JOSD1: variants seen among roughly 807,000 people sequenced by gnomAD.
JOSD1 encodes josephin-1.
In JOSD1, 11 loss-of-function variants were observed where a neutral mutation model predicts 24.3. That is an observed-to-expected ratio of 0.45 (90% CI 0.29 to 0.75). JOSD1 has a LOEUF of 0.75. JOSD1 is among the 30% of genes least tolerant of loss of function. The pLI, the probability that JOSD1 is intolerant of heterozygous loss-of-function variation, is 0.11. For synonymous variants in JOSD1, 106 were observed against 93.8 expected (o/e 1.13, Z -0.75); for missense variants, 184 against 253.5 (o/e 0.73, Z 1.86).
rs373108492 is a variant in JOSD1 at position 38,690,987 on chromosome 22, C to G, written c.186-1563G>C. ...GTGAGCCGAACATAGGAGGCAGAGG[C>G]TGGATGTCACCACTGCATCCAGCCT... On this transcript the variant is annotated intron_variant, in intron 2 of 4. Transcript: ENST00000683374. Among the ~76,000 whole-genome samples, 75 of 152,224 alleles carry G rather than the reference C, an allele frequency of 4.9e-4. 2 individuals are homozygous for G. In the South Asian group the frequency reaches 0.015, roughly 31 times the overall value.
chr22:38,688,167 C>T (rs2092506294), intron 4 of JOSD1, among the ~76,000 whole-genome samples, 166 bp from the exon 5 acceptor site: 1 of 152,180 alleles, frequency 6.6e-6, no homozygotes, highest in Non-Finnish European at 1.5e-5. Context: ...CCAATCTGTC[C>T]AGTTAAAATT....
intron 2 of JOSD1, among the ~76,000 whole-genome samples, chr22:38,691,932 C>T (rs2092524283): frequency 6.6e-6 from 1 of 152,190 alleles, no homozygotes; most frequent in South Asian, 2.1e-4. Flanking sequence ...TGCTAGGGGC[C>T]TAAAGAGTGC....
At position 38,700,940 on chromosome 22, in the gene JOSD1, T is replaced by G. The variant is rs182773669; in HGVS notation, c.-772A>C. On this transcript the variant is annotated 5_prime_UTR_variant, in exon 1 of 5. Transcript: ENST00000683374. ...GCCACCTGGAGTGCGCGCCGCCAAC[T>G]GGGCCGTGCGGGCGGGCGCGCGCAC... is the stretch of plus-strand genomic sequence containing the variant. 29 of 984,112 alleles carry G rather than the reference T, an allele frequency of 2.9e-5. 1 individual carries two copies. In the African/African-American group the frequency reaches 4.6e-4, roughly 15 times the overall value. 61.0% of individuals were successfully genotyped at this position (984,112 alleles called of 1,614,324 possible).
chr22:38,701,010 ACGCCCTCCCG>A, upstream of JOSD1: 5 of 981,208 alleles, frequency 5.1e-6, no homozygotes, highest in Non-Finnish European at 6.1e-6. Context: ...TGCTCCGGAA[ACGCCCTCCCG>A]CGCCGTCCTC....
intron 1 of JOSD1, 65 bp from the exon 2 acceptor site, chr22:38,700,683 C>T: frequency 1.0e-6 from 1 of 976,672 alleles, no homozygotes; most frequent in Non-Finnish European, 1.2e-6. Flanking sequence ...GCGGGGCCGG[C>T]CCCTGCCCGA....
intron 2 of JOSD1, among the ~76,000 whole-genome samples, chr22:38,693,289 T>A (rs1425416987): frequency 6.6e-6 from 1 of 152,200 alleles, no homozygotes; most frequent in Non-Finnish European, 1.5e-5. Flanking sequence ...CTGTCTTGGA[T>A]TCAAATCCTT....
rs1213703984 is a variant in JOSD1, at chr22:38,688,509, C to T, written c.509+426G>A. Among the ~76,000 whole-genome samples the T allele has an allele frequency of 3.3e-5, 5 of 152,176 alleles. 1 individual carries two copies. The highest frequency in any genetic ancestry group is 9.7e-5 in the African/African-American group (4 of 41,444). On this transcript the variant is annotated intron_variant, in intron 4 of 4. Coordinates refer to ENST00000683374, the MANE Select transcript of JOSD1 (RefSeq NM_001360236.2). ...AACTCCTGACCTCAGGTGATCCACC[C>T]GCCTTGGCCTCCCAAAGTGCTGAGA...
chr22:38,689,782 C>T (rs1447479253), intron 2 of JOSD1, among the ~76,000 whole-genome samples: 2 of 151,804 alleles, frequency 1.3e-5, no homozygotes, highest in Admixed American at 1.3e-4. Context: ...ACTTGGTAAT[C>T]ATTAATCATT....
intron 3 of JOSD1, 40 bp from the exon 4 acceptor site, chr22:38,689,169 T>G: frequency 6.2e-7 from 1 of 1,602,462 alleles, no homozygotes; most frequent in South Asian, 1.1e-5. Context: ...ATGCAGCCCA[T>G]TTTCCAAGGT....
chr22:38,689,431 A>G lies in JOSD1; in HGVS notation c.186-7T>C, dbSNP rs1362002265. The G allele has an allele frequency of 1.2e-6, 2 of 1,614,008 alleles. No individual in the cohort carries two copies. The highest frequency in any genetic ancestry group is 2.7e-5 in the African/African-American group (2 of 74,908). On this transcript the variant is annotated splice_polypyrimidine_tract_variant and splice_region_variant and intron_variant, in intron 2 of 4. Transcript: ENST00000683374. ...CATGGTGTTTGGAGACAACCTACCAATGTGAAAAGAGGAGGGCTGAGACTT... is the reference window on the plus strand; with the variant it reads ...CATGGTGTTTGGAGACAACCTACCAGTGTGAAAAGAGGAGGGCTGAGACTT...
intron 2 of JOSD1, among the ~76,000 whole-genome samples, chr22:38,691,929 G>A (rs1049385216): frequency 6.6e-6 from 1 of 152,146 alleles, no homozygotes; most frequent in Non-Finnish European, 1.5e-5. Context: ...CACTGCTAGG[G>A]GCCTAAAGAG....
At chr22:38,693,078 C>CA (rs937268210) in intron 2 of JOSD1, among the ~76,000 whole-genome samples, 22 of 152,130 alleles carry the variant, frequency 1.4e-4, no homozygotes, top group African/African-American at 4.8e-4. Flanking sequence ...AATACAATAA[C>CA]AGCTGAATGA....
At chr22:38,695,924 C>T (rs891254501) in intron 2 of JOSD1, among the ~76,000 whole-genome samples, 1 of 152,066 alleles carries the variant, frequency 6.6e-6, no homozygotes, top group African/African-American at 2.4e-5. Context: ...GATGTGGTGG[C>T]GGGCGTCTAT....
At chr22:38,695,840 G>A (rs980677204) in intron 2 of JOSD1, among the ~76,000 whole-genome samples, 20 of 152,108 alleles carry the variant, frequency 1.3e-4, no homozygotes, top group Non-Finnish European at 2.6e-4. Flanking sequence ...GGTGGATCAC[G>A]AGGTCAGGAG....
chr22:38,696,213 ACCCTTTTTTTCAAACCTTATACCCC>A (rs1455359166), intron 2 of JOSD1, among the ~76,000 whole-genome samples: 1 of 150,474 alleles, frequency 6.6e-6, no homozygotes, highest in African/African-American at 2.4e-5. Flanking sequence ...GATTTCTATG[ACCCTTTTTTTCAAACCTTATACCCC>A]CCCTTTTTTT....
chr22:38,688,351 C>T (rs1438837421), intron 4 of JOSD1, among the ~76,000 whole-genome samples: 1 of 152,188 alleles, frequency 6.6e-6, no homozygotes, highest in East Asian at 1.9e-4. Context: ...CAACCTCTGC[C>T]TCCCAGGTTC....
upstream of JOSD1, chr22:38,701,129 G>T (rs563545082): frequency 1.1e-4 from 35 of 328,064 alleles, no homozygotes; most frequent in East Asian, 1.7e-4. Flanking sequence ...GCAGTTCAAC[G>T]GTTGGGGTGT....
intron 2 of JOSD1, among the ~76,000 whole-genome samples, chr22:38,690,796 A>G (rs2092518425): frequency 6.6e-6 from 1 of 151,938 alleles, no homozygotes; most frequent in Non-Finnish European, 1.5e-5. Flanking sequence ...TGAGGTGGGC[A>G]GATCACTTGA....
At chr22:38,689,242 A>C in intron 3 of JOSD1, 54 bp downstream of exon 3, 1 of 1,610,320 alleles carries the variant, frequency 6.2e-7, no homozygotes, top group Non-Finnish European at 8.5e-7. Flanking sequence ...AAGTACTAAA[A>C]GCTTATACCA....
Sources: allele counts gnomAD v4.1 joint callset (sites outside exome capture counted in the v4.1 genomes callset), GRCh38; gene constraint gnomAD v4.1.1; transcripts MANE v1.5; gene names NCBI Gene and HGNC (gene_info 2026-07-23, HGNC 2026-07-21).